Variants in XPOT observed in about 807,000 individuals in gnomAD.
XPOT encodes the protein exportin for tRNA, also known as exportin-T.
Under a neutral mutation model 128.2 loss-of-function variants are expected in XPOT, and 34 were observed. The ratio of observed to expected loss-of-function variants is 0.27; its 90% CI spans 0.20 to 0.35. XPOT has a LOEUF of 0.35. Among genes scored for constraint, XPOT ranks in the 10% least tolerant of loss-of-function variants. The pLI, the probability that XPOT is intolerant of heterozygous loss-of-function variation, is 1.00. For missense variants in XPOT, 838 were observed against 1,125.3 expected (o/e 0.74, Z 3.65); for synonymous variants, 348 against 394.3 (o/e 0.88, Z 1.39).
At chr12:64,438,752 C>T (rs1037678715) in intron 22 of XPOT, among the ~76,000 whole-genome samples, 1 of 151,984 alleles carries the variant, frequency 6.6e-6, no homozygotes, top group Non-Finnish European at 1.5e-5. Context: ...CTCAGCCTCC[C>T]GAGTAGCTGG....
chr12:64,446,806 C>T lies in XPOT; in HGVS notation c.2863-1299C>T, dbSNP rs77942515. 3.6e-3 allele frequency among the ~76,000 whole-genome samples: 544 copies of T among 152,118 alleles called. 4 individuals carry two copies. Among genetic ancestry groups the T allele is most frequent in the African/African-American group, 0.012 (516 of 41,484 alleles). The stretch of plus-strand genomic sequence containing the variant: ...AGCCTCCTTGTAAGGTTTTCTTTTG[C>T]CTATATAGTGATCATTCTTTCCCCT... On this transcript the variant is annotated intron_variant, in intron 24 of 24. Transcript: ENST00000332707.
rs759540861 is a variant in XPOT, at chr12:64,439,286, T to A, written c.2776T>A (p.Ser926Thr). 5.0e-6 allele frequency: 8 copies of A among 1,614,102 alleles called. No homozygotes were observed. The highest frequency in any genetic ancestry group is 5.1e-6 in the Non-Finnish European group (6 of 1,179,978). ...GTATCTTCAACAAGAATACCTGCCCTCCTTGCAAGTAGCTCCAGAAATAAT... is the reference window on the plus strand; with the variant it reads ...GTATCTTCAACAAGAATACCTGCCCACCTTGCAAGTAGCTCCAGAAATAAT... ...VQYLQQEYLP[S>T]LQVAPEIIQE... Residue 926 changes from serine (S) to threonine (T), a missense_variant, in exon 23 of 25, where the codon TCC becomes ACC. This residue lies in a region of XPOT where 56 missense variants were observed against 79.2 expected (regional missense o/e 0.71). Transcript: ENST00000332707.
intron 18 of XPOT, among the ~76,000 whole-genome samples, chr12:64,433,024 C>T (rs754435201): frequency 2.0e-5 from 3 of 152,278 alleles, no homozygotes; most frequent in Middle Eastern, 6.8e-3. Context: ...ACTGCAACCT[C>T]CACCTCTCAG....
chr12:64,420,411 G>T lies in XPOT; in HGVS notation c.733G>T (p.Asp245Tyr). 3 of 1,613,770 alleles carry T rather than the reference G, an allele frequency of 1.9e-6. No homozygotes were observed. The highest frequency in any genetic ancestry group is 2.2e-5 in the South Asian group (2 of 91,038). The change falls in exon 8 of 25, where the codon GAC becomes TAC. Residue 245 changes from aspartate (D) to tyrosine (Y), a missense_variant. Transcript: ENST00000332707. ...AGAAGTTCTACGGGAAGAAGCATGT[G>T]ACTGTTTATTTGAAGTTGTAAATAA... ...SIEVLREEACDCLFEVVNKGM... is the reference protein window; with the variant it reads ...SIEVLREEACYCLFEVVNKGM...
chr12:64,416,820 T>C, intron 4 of XPOT, 66 bp downstream of exon 4: 1 of 1,369,962 alleles, frequency 7.3e-7, no homozygotes, highest in Non-Finnish European at 1.0e-6. Context: ...ATTTAATGTT[T>C]TTCTTCCATA....
chr12:64,418,542 C>A (rs1335396094), intron 5 of XPOT, among the ~76,000 whole-genome samples: 1 of 151,880 alleles, frequency 6.6e-6, no homozygotes, highest in African/African-American at 2.4e-5. Flanking sequence ...CCTTAAAGAG[C>A]AAGTAGAGGA....
At position 64,431,674 on chromosome 12, in the gene XPOT, C is replaced by T. The variant is rs1049632340; in HGVS notation, c.2113C>T (p.Arg705Cys). 1 of 1,613,884 alleles carries T rather than the reference C, an allele frequency of 6.2e-7. No homozygotes were observed. Among genetic ancestry groups the T allele is most frequent in the Non-Finnish European group, 8.5e-7 (1 of 1,179,868 alleles). ...AAAGGATATTCTCAGAAGTGGAGTC[C>T]GTACTTTCCTTCATCGAATGATTAT... is the stretch of plus-strand genomic sequence containing the variant. ...LQKDILRSGVRTFLHRMIICL... is the reference protein window; with the variant it reads ...LQKDILRSGVCTFLHRMIICL... The change falls in exon 18 of 25, where the codon CGT becomes TGT. Residue 705 changes from arginine to cysteine, a missense_variant. Physicochemically the swap from Arg to Cys is radical, Grantham distance 180. Around this residue, in one of 3 missense-constraint regions of XPOT, gnomAD observed 761 missense variants for 988.3 expected, o/e 0.77. Transcript: ENST00000332707.
At chr12:64,447,549 G>A (rs1357003665) in intron 24 of XPOT, among the ~76,000 whole-genome samples, 3 of 151,940 alleles carry the variant, frequency 2.0e-5, no homozygotes, top group Admixed American at 6.6e-5. Context: ...CACGATCTCG[G>A]CTCACCACAA....
At chr12:64,420,561 A>G (rs2040129256) in intron 8 of XPOT, 40 bp downstream of exon 8, 2 of 1,502,260 alleles carry the variant, frequency 1.3e-6, no homozygotes, top group Non-Finnish European at 1.8e-6. Flanking sequence ...TAAAGTTGTT[A>G]GAACAAACTG....
intron 18 of XPOT, 91 bp from the exon 19 acceptor site, chr12:64,433,323 T>C: frequency 7.9e-7 from 1 of 1,264,236 alleles, no homozygotes; most frequent in South Asian, 1.6e-5. Flanking sequence ...GCATCCTAAA[T>C]AGAAAAGAAA....
In XPOT at chr12:64,421,216, G is replaced by A; in HGVS notation, c.844-19G>A. The stretch of plus-strand genomic sequence containing the variant: ...TGGGCAGGCAGTTTTAAACAGAGAT[G>A]TGTCTTGATTGCTTATAGGAAGAAG... On this transcript the variant is annotated intron_variant, in intron 8 of 24. Transcript: ENST00000332707. 1 of 1,583,174 alleles carries A rather than the reference G, an allele frequency of 6.3e-7. No homozygotes were observed. The highest frequency in any genetic ancestry group is 8.7e-7 in the Non-Finnish European group (1 of 1,152,260).
At chr12:64,434,659 A>G (rs1446783613) in intron 20 of XPOT, 36 bp downstream of exon 20, 2 of 1,582,914 alleles carry the variant, frequency 1.3e-6, no homozygotes, top group Admixed American at 1.7e-5. Context: ...TCATTTCCCA[A>G]ACTCTTTCAT....
intron 8 of XPOT, among the ~76,000 whole-genome samples, chr12:64,420,860 GCACAGTCTCGGCT>G (rs2040131438): frequency 6.6e-6 from 1 of 152,124 alleles, no homozygotes; most frequent in African/African-American, 2.4e-5. Flanking sequence ...GAGTGCAGTG[GCACAGTCTCGGCT>G]CACTGCAACC....
chr12:64,427,317 C>T (rs1443501870), intron 15 of XPOT, among the ~76,000 whole-genome samples: 3 of 151,840 alleles, frequency 2.0e-5, no homozygotes, highest in Non-Finnish European at 4.4e-5. Flanking sequence ...GATGGGGCTT[C>T]ACCATGTTGG....
At chr12:64,427,026 ATAAAT>A (rs2136025626) in intron 15 of XPOT, among the ~76,000 whole-genome samples, 1 of 152,048 alleles carries the variant, frequency 6.6e-6, no homozygotes, top group East Asian at 1.9e-4. Context: ...AAGTAGACAT[ATAAAT>A]TATTTTCCAA....
At chr12:64,411,396 A>G (rs12306437) in intron 2 of XPOT, among the ~76,000 whole-genome samples, 1,926 of 152,236 alleles carry the variant, frequency 0.013, 43 homozygotes, top group African/African-American at 0.043. Context: ...TTCATTTCTT[A>G]AGTTCCAGCA....
chr12:64,446,653 G>A (rs1021793989), intron 24 of XPOT, among the ~76,000 whole-genome samples: 5 of 150,114 alleles, frequency 3.3e-5, no homozygotes, highest in Admixed American at 6.6e-5. Context: ...TCTGCCCTGA[G>A]ACTACCTTTC....
chr12:64,423,042 AGG>A lies in XPOT; in HGVS notation c.1119_1119+1del, dbSNP rs2040154400. The stretch of plus-strand genomic sequence containing the variant: ...TCGGATCAGCAAAAAGCTAATGTAG[AGG>A]TAATTGACTTTATGCTTCTTTTAAA... On this transcript the variant is annotated splice_donor_variant and coding_sequence_variant, in exon 10 of 25. Coordinates refer to ENST00000332707, the MANE Select transcript of XPOT (RefSeq NM_007235.6). LOFTEE classifies it high-confidence loss of function. 1 of 1,613,290 alleles carries A rather than the reference AGG, an allele frequency of 6.2e-7. No individual in the cohort carries two copies. Among genetic ancestry groups the A allele is most frequent in the African/African-American group, 1.3e-5 (1 of 74,890 alleles).
At chr12:64,419,988 G>A (rs1035336577) in intron 6 of XPOT, 82 bp from the exon 7 acceptor site, 50 of 1,303,362 alleles carry the variant, frequency 3.8e-5, no homozygotes, top group Non-Finnish European at 4.9e-5. Context: ...AAGTCTGAAA[G>A]TTTACTCTCT....
Sources: allele counts gnomAD v4.1 joint callset (sites outside exome capture counted in the v4.1 genomes callset), GRCh38; gene constraint gnomAD v4.1.1; regional missense constraint gnomAD v4.1.1; transcripts MANE v1.5; gene names NCBI Gene and HGNC (gene_info 2026-07-23, HGNC 2026-07-21).